PACRG: variants seen among roughly 807,000 people sequenced by gnomAD.
PACRG encodes parkin coregulated.
In PACRG, 29 loss-of-function variants were observed where a neutral mutation model predicts 29.7. The ratio of observed to expected loss-of-function variants is 0.98; its 90% CI spans 0.73 to 1.33. PACRG has a LOEUF of 1.33. Ranked by LOEUF, PACRG falls within the 40% of genes most tolerant of loss-of-function variation. PACRG has a pLI of 0.00. For missense variants in PACRG, 279 were observed against 316.2 expected, an observed-to-expected ratio of 0.88 and a Z score of 0.89; for synonymous variants, 116 against 118.7, an observed-to-expected ratio of 0.98 and a Z score of 0.15.
chr6:163,009,706 A>G (rs1276383889), intron 2 of PACRG, among the ~76,000 whole-genome samples: 1 of 152,192 alleles, frequency 6.6e-6, no homozygotes, highest in Non-Finnish European at 1.5e-5. Context: ...GTAGTGGCAT[A>G]TTCTATCGGT....
chr6:163,239,728 ACACACACACTCACACTCCCACATG>A (rs1585361408), intron 4 of PACRG, among the ~76,000 whole-genome samples: 2 of 135,612 alleles, frequency 1.5e-5, no homozygotes, highest in East Asian at 2.2e-4. Flanking sequence ...ACTCCCACAT[ACACACACACTCACACTCCCACATG>A]CACACACACT....
chr6:163,096,169 C>T (rs1051694153), intron 4 of PACRG, among the ~76,000 whole-genome samples: 56 of 152,250 alleles, frequency 3.7e-4, no homozygotes, highest in African/African-American at 1.2e-3. Flanking sequence ...TCTTCTTCTT[C>T]GGTAATGCTG....
At chr6:163,153,905 G>A (rs902505220) in intron 4 of PACRG, among the ~76,000 whole-genome samples, 6 of 152,176 alleles carry the variant, frequency 3.9e-5, no homozygotes, top group African/African-American at 1.4e-4. Context: ...AGGCTCTGTG[G>A]GGTGAACAGT....
At chr6:163,118,107 C>T (rs7742844) in intron 4 of PACRG, among the ~76,000 whole-genome samples, 11,354 of 152,164 alleles carry the variant, frequency 0.075, 1,433 homozygotes, top group African/African-American at 0.25. Flanking sequence ...GGGGAGAAAC[C>T]GAGGTGAAAA....
At chr6:163,126,918 A>C (rs1268653990) in intron 4 of PACRG, among the ~76,000 whole-genome samples, 2 of 152,192 alleles carry the variant, frequency 1.3e-5, no homozygotes, top group Non-Finnish European at 2.9e-5. Flanking sequence ...GCCAGGTCAG[A>C]TGCCACTGGA....
chr6:163,262,279 A>G (rs1783356410), intron 4 of PACRG, among the ~76,000 whole-genome samples: 1 of 152,196 alleles, frequency 6.6e-6, no homozygotes, highest in Admixed American at 6.5e-5. Context: ...AATATTATTT[A>G]TGTTCTAAAG....
chr6:163,092,783 C>T (rs572570319), intron 4 of PACRG, among the ~76,000 whole-genome samples: 20 of 152,280 alleles, frequency 1.3e-4, no homozygotes, highest in African/African-American at 3.1e-4. Flanking sequence ...ATTATGATTA[C>T]ACAACATTAT....
Position 163,269,927 on chromosome 6 carries a change from AAAACAAAGAAAG to A in PACRG, c.614-44896_614-44885del, listed in dbSNP as rs1783720930. Among the ~76,000 whole-genome samples, 2 of 32,870 alleles carry A rather than the reference AAAACAAAGAAAG, an allele frequency of 6.1e-5. 1 individual carries two copies. The highest frequency in any genetic ancestry group is 1.2e-4 in the Non-Finnish European group (2 of 17,284). The allele number at this position is 32,870 out of a possible 152,430, so 21.6% of individuals were successfully genotyped here. On this transcript the variant is annotated intron_variant, in intron 4 of 4. Transcript: ENST00000366888. ...GAAAGAAAGAAAGAAAGAAAGAAAG[AAAACAAAGAAAG>A]AAAGAAAGAAAGAAAGAAAGAAAGA... is the stretch of plus-strand genomic sequence containing the variant.
intron 4 of PACRG, among the ~76,000 whole-genome samples, chr6:163,223,642 G>T (rs1341855459): frequency 6.6e-6 from 1 of 152,162 alleles, no homozygotes; most frequent in Non-Finnish European, 1.5e-5. Context: ...GTTACAGGAG[G>T]ATTTAATTTT....
chr6:163,192,370 A>G (rs1201814214), intron 4 of PACRG, among the ~76,000 whole-genome samples: 1 of 152,252 alleles, frequency 6.6e-6, no homozygotes, highest in Non-Finnish European at 1.5e-5. Context: ...CTGTGCTGAC[A>G]CAGTATCCAT....
At chr6:163,211,168 T>A (rs964633103) in intron 4 of PACRG, among the ~76,000 whole-genome samples, 1 of 152,226 alleles carries the variant, frequency 6.6e-6, no homozygotes, top group African/African-American at 2.4e-5. Flanking sequence ...CTGACCTTTT[T>A]TTGACAGAGT....
chr6:163,248,797 G>A (rs1161941687), intron 4 of PACRG, among the ~76,000 whole-genome samples: 8 of 152,240 alleles, frequency 5.3e-5, no homozygotes, highest in East Asian at 3.9e-4. Context: ...GCCAGATCAC[G>A]AGGTCAGGAG....
intron 4 of PACRG, among the ~76,000 whole-genome samples, chr6:163,297,350 T>C (rs1784815556): frequency 6.6e-6 from 1 of 152,218 alleles, no homozygotes; most frequent in Non-Finnish European, 1.5e-5. Context: ...GAGGCTCGTG[T>C]TGCAGCTGTC....
intron 2 of PACRG, among the ~76,000 whole-genome samples, chr6:162,958,839 CATATATAGAGCAT>C (rs1455193359): frequency 2.1e-5 from 2 of 93,214 alleles, no homozygotes; most frequent in East Asian, 3.2e-4. Context: ...ATATATAGAG[CATATATAGAGCAT>C]ATATATATAT....
At chr6:163,211,158 C>T (rs1423712234) in intron 4 of PACRG, among the ~76,000 whole-genome samples, 1 of 152,152 alleles carries the variant, frequency 6.6e-6, no homozygotes, top group Non-Finnish European at 1.5e-5. Context: ...ACACTTAAAG[C>T]TGACCTTTTT....
chr6:163,041,492 G>A (rs879537054), intron 2 of PACRG, among the ~76,000 whole-genome samples: 11 of 152,066 alleles, frequency 7.2e-5, no homozygotes, highest in African/African-American at 4.8e-5. Context: ...TTTCCTCTGC[G>A]CTGTCTCTCT....
rs77792914 is a variant in PACRG at position 162,897,978 on chromosome 6, A to G, written c.291+83697A>G. ...TGTGAAGGAATCTGCAGAGGCAGGA[A>G]GAGCCCTGAAGCTAGCTCCACGTTC... On this transcript the variant is annotated intron_variant, in intron 2 of 4. Coordinates refer to ENST00000366888, the MANE Select transcript of PACRG (RefSeq NM_001080379.2). Among the ~76,000 whole-genome samples the G allele has an allele frequency of 1.5e-3, 227 of 152,322 alleles. 2 individuals carry two copies. In the East Asian group the frequency reaches 0.019, roughly 12 times the overall value.
chr6:163,247,981 A>G (rs185136724), intron 4 of PACRG, among the ~76,000 whole-genome samples: 3 of 152,350 alleles, frequency 2.0e-5, no homozygotes, highest in Admixed American at 1.3e-4. Context: ...TTGACGAAGT[A>G]TATAACCTCT....
chr6:162,729,047 A>G (rs1174345075), intron 1 of PACRG, among the ~76,000 whole-genome samples: 1 of 152,180 alleles, frequency 6.6e-6, no homozygotes, highest in Non-Finnish European at 1.5e-5. Context: ...TTTCATCTCT[A>G]TTATTTGTAG....
Sources: allele counts gnomAD v4.1 joint callset (sites outside exome capture counted in the v4.1 genomes callset), GRCh38; gene constraint gnomAD v4.1.1; transcripts MANE v1.5; gene names NCBI Gene and HGNC (gene_info 2026-07-23, HGNC 2026-07-21).